The following SEZ6L2 variants were observed in gnomAD, a reference collection of about 807,000 sequenced individuals.
SEZ6L2 encodes seizure 6-like protein 2.
A neutral mutation model predicts 97.0 loss-of-function variants in SEZ6L2; 44 were observed. The observed-to-expected ratio is 0.45, with a 90% CI of 0.36 to 0.58. SEZ6L2 has a LOEUF of 0.58. SEZ6L2 is among the 20% of genes least tolerant of loss of function. The probability of loss-of-function intolerance (pLI) is 0.00; values close to 1 mark genes in which losing one functional copy is unlikely to be tolerated. For missense variants in SEZ6L2, 1,086 were observed against 1,233.3 expected, an observed-to-expected ratio of 0.88 and a Z score of 1.79; for synonymous variants, 543 against 546.1, an observed-to-expected ratio of 0.99 and a Z score of 0.08.
In SEZ6L2 at chr16:29,876,316, CT is replaced by C. The variant is rs2067902091; in HGVS notation, c.2104+439del. 6.6e-6 allele frequency among the ~76,000 whole-genome samples: 1 copy of C among 152,138 alleles called. No homozygotes were observed. Among genetic ancestry groups the C allele is most frequent in the Non-Finnish European group, 1.5e-5 (1 of 68,018 alleles). ...GCCTTGGTCCTAGCAAAGTGGCTCC[CT>C]ACAATTTCAACTGATAGGACTGCGG... On this transcript the variant is annotated intron_variant, in intron 12 of 17. Coordinates refer to ENST00000617533, the MANE Select transcript of SEZ6L2 (RefSeq NM_001243332.2). This position sits in a 1 kb window ranked among gnomAD's most constrained non-coding sequence, Gnocchi z 6.5.
intron 8 of SEZ6L2, among the ~76,000 whole-genome samples, chr16:29,883,861 G>A (rs1018931359): frequency 6.6e-5 from 10 of 152,088 alleles, no homozygotes; most frequent in Non-Finnish European, 1.0e-4. Flanking sequence ...GAGCCCAGGA[G>A]GTTGAGGTTG....
At chr16:29,874,266 C>G (rs1043937638) in intron 12 of SEZ6L2, among the ~76,000 whole-genome samples, 3 of 152,090 alleles carry the variant, frequency 2.0e-5, no homozygotes, top group Non-Finnish European at 4.4e-5. Context: ...TATTTAACCA[C>G]CATACCAGAG....
In SEZ6L2 at chr16:29,877,480, A is replaced by G. The variant is rs755881079; in HGVS notation, c.1713-13T>C. 1.3e-6 allele frequency: 2 copies of G among 1,567,676 alleles called. No individual in the cohort carries two copies. The highest frequency in any genetic ancestry group is 1.7e-6 in the Non-Finnish European group (2 of 1,155,560). ...CCGCACATTCAATCTGCAGGGGGTG[A>G]GACCAGGCAATGGGGCGGGGCTGCG... On this transcript the variant is annotated splice_polypyrimidine_tract_variant and intron_variant, in intron 10 of 17. Coordinates refer to ENST00000617533, the MANE Select transcript of SEZ6L2 (RefSeq NM_001243332.2).
intron 1 of SEZ6L2, among the ~76,000 whole-genome samples, chr16:29,898,635 C>T (rs551521424): frequency 1.3e-5 from 2 of 152,276 alleles, no homozygotes; most frequent in South Asian, 4.1e-4. Flanking sequence ...CTCCATCTCC[C>T]ACCCAGGTCC....
chr16:29,874,567 T>G lies in SEZ6L2; in HGVS notation c.2105-838A>C, dbSNP rs1193469869. Among the ~76,000 whole-genome samples the G allele has an allele frequency of 1.0e-3, 104 of 100,072 alleles. 6 individuals carry two copies. The highest frequency in any genetic ancestry group is 3.8e-3 in the African/African-American group (97 of 25,348). The allele number at this position is 100,072 out of a possible 152,430, so 65.7% of individuals were successfully genotyped here. A position where few individuals can be genotyped will look rare whatever the true frequency, so the allele number is the denominator to read the frequency against. On this transcript the variant is annotated intron_variant, in intron 12 of 17. Coordinates refer to ENST00000617533, the MANE Select transcript of SEZ6L2 (RefSeq NM_001243332.2). ...GTGTGCTTGTTTTTTTTTTTTTTTT[T>G]TTTTTTTTTTTTTTTTTTTTTGAGA...
At chr16:29,888,481 G>A in intron 6 of SEZ6L2, 59 bp downstream of exon 6, 1 of 1,561,348 alleles carries the variant, frequency 6.4e-7, no homozygotes, top group Non-Finnish European at 8.7e-7. Flanking sequence ...CCCCGAGATA[G>A]GACCCTCCCA....
At chr16:29,895,521 C>T in intron 4 of SEZ6L2, 61 bp from the exon 5 acceptor site, 14 of 1,571,508 alleles carry the variant, frequency 8.9e-6, no homozygotes, top group Non-Finnish European at 1.1e-5. Context: ...CTTCCAAAGC[C>T]CCTGTCCTGT....
rs551864500 is a variant in SEZ6L2 at position 29,873,477 on chromosome 16, G to A, written c.2297-46C>T. The A allele has an allele frequency of 5.6e-5, 90 of 1,613,836 alleles. No individual in the cohort carries two copies. Among genetic ancestry groups the A allele is most frequent in the Non-Finnish European group, 6.4e-5 (75 of 1,179,804 alleles). ...ACGTGCCAGCTGCACTACTGTGCAC[G>A]GGGCAGACGGGCTCTCCCAGGGCTA... is the stretch of plus-strand genomic sequence containing the variant. On this transcript the variant is annotated intron_variant, in intron 13 of 17. Transcript: ENST00000617533. This position sits in a 1 kb window ranked among gnomAD's most constrained non-coding sequence, Gnocchi z 4.3.
Position 29,894,497 on chromosome 16 carries a change from T to G in SEZ6L2, c.853+762A>C, listed in dbSNP as rs907917096. Among the ~76,000 whole-genome samples, 19 of 142,330 alleles carry G rather than the reference T, an allele frequency of 1.3e-4. 1 individual carries two copies. The highest frequency in any genetic ancestry group is 2.4e-4 in the Non-Finnish European group (16 of 65,606). The allele number at this position is 142,330 out of a possible 152,430, so 93.4% of individuals were successfully genotyped here. Reference sequence around the variant, plus strand: ...TTAGTCATCATCTCCTCCAAGAAGATGTCCCCATATTCCTTGGGAGAAATT... The same window carrying G: ...TTAGTCATCATCTCCTCCAAGAAGAGGTCCCCATATTCCTTGGGAGAAATT... On this transcript the variant is annotated intron_variant, in intron 5 of 17. Coordinates refer to ENST00000617533, the MANE Select transcript of SEZ6L2 (RefSeq NM_001243332.2).
chr16:29,871,854 T>C, intron 17 of SEZ6L2, 126 bp from the exon 18 acceptor site: 2 of 834,364 alleles, frequency 2.4e-6, no homozygotes, highest in Non-Finnish European at 4.0e-6. Flanking sequence ...GGGGGGCCAG[T>C]GAATGTGTTT....
chr16:29,890,903 G>A (rs915607150), intron 5 of SEZ6L2, among the ~76,000 whole-genome samples: 6 of 148,518 alleles, frequency 4.0e-5, no homozygotes, highest in African/African-American at 7.4e-5. Flanking sequence ...CGTGTGCCAC[G>A]ACTCCTGGCT....
At chr16:29,891,186 C>T (rs1244270583) in intron 5 of SEZ6L2, among the ~76,000 whole-genome samples, 2 of 151,954 alleles carry the variant, frequency 1.3e-5, no homozygotes, top group African/African-American at 2.4e-5. Context: ...GTGATCTGCC[C>T]GCCTCGGCCT....
In SEZ6L2 at chr16:29,899,003, G is replaced by A; in HGVS notation, c.17C>T (p.Ala6Val). Residue 6 changes from alanine (A) to valine (V), a missense_variant, in exon 1 of 18, where the codon GCC (alanine) becomes GTC (valine). Physicochemically the swap from Ala to Val is moderately conservative, Grantham distance 64 (BLOSUM62 0). This residue lies in a region of SEZ6L2 where 776 missense variants were observed against 794.7 expected (regional missense o/e 0.98). Coordinates refer to ENST00000617533, the MANE Select transcript of SEZ6L2 (RefSeq NM_001243332.2). Reference protein sequence around the residue: MGTPRAQHPPPPQLLF... With the variant: MGTPRVQHPPPPQLLF... ...CAGCTGGGGAGGCGGCGGGTGCTGG[G>A]CCCTGGGAGTCCCCATGGCGACTCA... The A allele has an allele frequency of 6.2e-7, 1 of 1,610,708 alleles. No individual in the cohort carries two copies. Among genetic ancestry groups the A allele is most frequent in the Non-Finnish European group, 8.5e-7 (1 of 1,179,344 alleles).
At chr16:29,877,490 A>G (rs1377990153) in intron 10 of SEZ6L2, 23 bp from the exon 11 acceptor site, 2 of 1,560,946 alleles carry the variant, frequency 1.3e-6, no homozygotes, top group Admixed American at 1.8e-5. Context: ...AGACCAGGCA[A>G]TGGGGCGGGG....
In SEZ6L2 at chr16:29,887,643, C is replaced by T. The variant is rs777711212; in HGVS notation, c.1208+6G>A. The T allele has an allele frequency of 1.9e-6, 3 of 1,561,258 alleles. No homozygotes were observed. In the Admixed American group the frequency reaches 5.4e-5, roughly 28 times the overall value. On this transcript the variant is annotated splice_donor_region_variant and intron_variant, in intron 7 of 17. Coordinates refer to ENST00000617533, the MANE Select transcript of SEZ6L2 (RefSeq NM_001243332.2). ...GGGACTTCTGACCCAAGACCCAGAC[C>T]CTTACCGGTCATTGTCCTCATCCAG... is the stretch of plus-strand genomic sequence containing the variant.
intron 12 of SEZ6L2, among the ~76,000 whole-genome samples, chr16:29,875,364 C>G (rs1264499951): frequency 6.6e-6 from 1 of 152,140 alleles, no homozygotes; most frequent in Non-Finnish European, 1.5e-5. Flanking sequence ...GGTCCTGGCA[C>G]ACCTTCAGGC....
chr16:29,877,041 G>T, intron 11 of SEZ6L2, 91 bp from the exon 12 acceptor site: 2 of 1,334,870 alleles, frequency 1.5e-6, no homozygotes, highest in Non-Finnish European at 2.1e-6. Context: ...CCCCTCCCGG[G>T]ATCTGTCTCT....
chr16:29,880,843 C>A (rs1212640506), intron 8 of SEZ6L2, among the ~76,000 whole-genome samples: 2 of 151,948 alleles, frequency 1.3e-5, no homozygotes, highest in African/African-American at 4.8e-5. Flanking sequence ...CTCATTGCAG[C>A]CTAGATCTTC....
intron 8 of SEZ6L2, among the ~76,000 whole-genome samples, chr16:29,880,893 C>T (rs545897712): frequency 6.6e-6 from 1 of 151,674 alleles, no homozygotes; most frequent in Non-Finnish European, 1.5e-5. Flanking sequence ...TCTCTGGTAG[C>T]TGGGACTACA....
Sources: allele counts gnomAD v4.1 joint callset (sites outside exome capture counted in the v4.1 genomes callset), GRCh38; gene constraint gnomAD v4.1.1; regional missense constraint gnomAD v4.1.1; non-coding constraint Gnocchi (gnomAD v3.1); transcripts MANE v1.5; gene names NCBI Gene and HGNC (gene_info 2026-07-23, HGNC 2026-07-21).